Variants in TMPRSS15 observed in about 807,000 individuals in gnomAD.
TMPRSS15 encodes enteropeptidase.
Under a neutral mutation model 125.3 loss-of-function variants are expected in TMPRSS15, and 128 were observed. The ratio of observed to expected loss-of-function variants is 1.02; its 90% CI spans 0.89 to 1.18. The LOEUF (loss-of-function observed/expected upper bound fraction) is 1.18, where lower values mean the gene tolerates loss of function less well. TMPRSS15 is among the 50% of genes most tolerant of loss of function. TMPRSS15 has a pLI of 0.00. For missense variants in TMPRSS15, 1,283 were observed against 1,212.7 expected (o/e 1.06, Z -0.86); for synonymous variants, 446 against 423.2 (o/e 1.05, Z -0.66).
chr21:18,472,788 C>T (rs547831775), intron 1 of TMPRSS15, among the ~76,000 whole-genome samples: 1 of 151,988 alleles, frequency 6.6e-6, no homozygotes, highest in South Asian at 2.1e-4. Context: ...AATGAATGGA[C>T]ATATTTGAAG....
chr21:18,420,450 T>C (rs2076189949), intron 1 of TMPRSS15, among the ~76,000 whole-genome samples: 1 of 150,832 alleles, frequency 6.6e-6, no homozygotes, highest in Non-Finnish European at 1.5e-5. Context: ...TTTGGAAGTA[T>C]AATAAAAATT....
intron 18 of TMPRSS15, among the ~76,000 whole-genome samples, chr21:18,299,379 G>C (rs2074940191): frequency 6.6e-6 from 1 of 152,194 alleles, no homozygotes. Flanking sequence ...GATAAACACA[G>C]ATGTTAGAGG....
intron 21 of TMPRSS15, among the ~76,000 whole-genome samples, chr21:18,282,768 T>G (rs2074716660): frequency 6.6e-6 from 1 of 152,156 alleles, no homozygotes; most frequent in Admixed American, 6.5e-5. Context: ...AGGCGCTGAT[T>G]ATCTAAATGG....
chr21:18,399,562 T>C (rs759510063), intron 1 of TMPRSS15, among the ~76,000 whole-genome samples: 9 of 152,116 alleles, frequency 5.9e-5, no homozygotes, highest in African/African-American at 1.9e-4. Flanking sequence ...CTAAATCTTA[T>C]ATAGGAATCT....
In TMPRSS15 at chr21:18,403,477, C is replaced by T. The variant is rs1450304027; in HGVS notation, c.145+1G>A. ...TCACGAGCCAACTCCATGTGACTTACCTCGTTGGGATTCCTTGATTGTCAG... is the reference window on the plus strand; with the variant it reads ...TCACGAGCCAACTCCATGTGACTTATCTCGTTGGGATTCCTTGATTGTCAG... On this transcript the variant is annotated splice_donor_variant, in intron 1 of 24. Transcript: ENST00000284885. LOFTEE classifies it high-confidence loss of function. 6.2e-7 allele frequency: 1 copy of T among 1,614,140 alleles called. No individual in the cohort carries two copies. The highest frequency in any genetic ancestry group is 8.5e-7 in the Non-Finnish European group (1 of 1,180,002).
chr21:18,453,647 T>G (rs1256966015), intron 1 of TMPRSS15, among the ~76,000 whole-genome samples: 1 of 152,182 alleles, frequency 6.6e-6, no homozygotes, highest in African/African-American at 2.4e-5. Flanking sequence ...ATCCCACTTT[T>G]AGGTAAATAC....
intron 4 of TMPRSS15, among the ~76,000 whole-genome samples, chr21:18,381,736 A>G (rs547759320): frequency 6.6e-6 from 1 of 152,286 alleles, no homozygotes; most frequent in Admixed American, 6.5e-5. Flanking sequence ...AAGTTTCAGC[A>G]TATCTGTCAA....
intron 1 of TMPRSS15, among the ~76,000 whole-genome samples, chr21:18,422,907 A>G (rs759119841): frequency 3.9e-5 from 6 of 152,212 alleles, no homozygotes; most frequent in African/African-American, 1.2e-4. Flanking sequence ...AGTTGGTGCC[A>G]GGGCTCCCGA....
chr21:18,308,764 CT>C (rs1480569120), intron 18 of TMPRSS15, among the ~76,000 whole-genome samples: 6 of 152,112 alleles, frequency 3.9e-5, no homozygotes, highest in African/African-American at 1.4e-4. Context: ...CTGACAGGCC[CT>C]GGTGTGTGAT....
chr21:18,359,758 T>A lies in TMPRSS15; in HGVS notation c.879A>T (p.Arg293Ser). ...YEGVGSSKIL[R>S]ASIWETNPGT... ...AATTGTATATTTGTTTCAACTTACC[T>A]CTTAAAATCTTGCTTGATCCTACAC... The change falls in exon 8 of 25, where the codon AGA becomes AGT. Residue 293 changes from arginine to serine, a missense_variant and splice_region_variant. Arg to Ser is a moderately radical substitution (Grantham distance 110, BLOSUM62 -1). Transcript: ENST00000284885. 7.6e-7 allele frequency: 1 copy of A among 1,315,460 alleles called. No individual in the cohort carries two copies. Among genetic ancestry groups the A allele is most frequent in the Non-Finnish European group, 1.1e-6 (1 of 912,508 alleles). 81.5% of individuals were successfully genotyped at this position (1,315,460 alleles called of 1,614,324 possible).
At position 18,428,409 on chromosome 21, in the gene TMPRSS15, T is replaced by C. The variant is rs139061865; in HGVS notation, c.11-30080A>G. Among the ~76,000 whole-genome samples, 137 of 152,292 alleles carry C rather than the reference T, an allele frequency of 9.0e-4. 1 individual carries two copies. Among genetic ancestry groups the C allele is most frequent in the African/African-American group, 3.2e-3 (132 of 41,586 alleles). ...TGCATAAGTAACAAGGAGCCAAATG[T>C]TAATCACCAAGACAATGGGAAAATG... On this transcript the variant is annotated intron_variant, in intron 1 of 7. Coordinates refer to the TMPRSS15 transcript ENST00000422787.
At chr21:18,384,505 T>C (rs978895470) in intron 3 of TMPRSS15, among the ~76,000 whole-genome samples, 1 of 152,112 alleles carries the variant, frequency 6.6e-6, no homozygotes, top group African/African-American at 2.4e-5. Flanking sequence ...CTCTGTACCA[T>C]GCATTTTAAA....
intron 1 of TMPRSS15, among the ~76,000 whole-genome samples, chr21:18,432,368 G>A (rs1569067699): frequency 6.6e-6 from 1 of 152,096 alleles, no homozygotes; most frequent in Non-Finnish European, 1.5e-5. Flanking sequence ...TTTGTGTCAT[G>A]TTAAGGGTTG....
intron 22 of TMPRSS15, among the ~76,000 whole-genome samples, chr21:18,280,687 T>A (rs1329321093): frequency 2.0e-5 from 3 of 152,172 alleles, no homozygotes; most frequent in Admixed American, 6.5e-5. Context: ...TCTCAGTTTA[T>A]GTCTTACTCT....
At chr21:18,459,063 T>C (rs1978498529) in intron 1 of TMPRSS15, among the ~76,000 whole-genome samples, 3 of 152,350 alleles carry the variant, frequency 2.0e-5, no homozygotes, top group African/African-American at 7.2e-5. Context: ...TGTGCTTTTG[T>C]ATATGTATAT....
chr21:18,311,543 T>C (rs1303700832), intron 18 of TMPRSS15, among the ~76,000 whole-genome samples: 2 of 152,034 alleles, frequency 1.3e-5, no homozygotes, highest in Non-Finnish European at 2.9e-5. Context: ...ATGAGATATC[T>C]CTCACCCCTG....
At chr21:18,402,480 G>T in intron 1 of TMPRSS15, among the ~76,000 whole-genome samples, 1 of 138,182 alleles carries the variant, frequency 7.2e-6, no homozygotes, top group South Asian at 2.3e-4. Context: ...AGTGAGCCGA[G>T]ATCGTGCCAC....
At chr21:18,286,328 C>T (rs78129836) in intron 21 of TMPRSS15, among the ~76,000 whole-genome samples, 10,164 of 152,280 alleles carry the variant, frequency 0.067, 439 homozygotes, top group Middle Eastern at 0.15. Context: ...TAAATACCTA[C>T]AATATACTGA....
At chr21:18,271,231 G>A (rs1349402580) in intron 24 of TMPRSS15, among the ~76,000 whole-genome samples, 3 of 152,152 alleles carry the variant, frequency 2.0e-5, no homozygotes, top group Admixed American at 2.0e-4. Flanking sequence ...TGTAATTATA[G>A]GTTCTGAAAT....
Sources: gnomAD v4.1 joint callset for allele counts (sites outside exome capture counted in the v4.1 genomes callset) on GRCh38, gnomAD v4.1.1 for gene constraint, MANE v1.5 for transcripts, NCBI Gene and HGNC (gene_info 2026-07-23, HGNC 2026-07-21) for gene names.